Variants in PCDHB14 observed in about 807,000 individuals in gnomAD.
The protein encoded by PCDHB14 is protocadherin beta 14, also known as protocadherin beta-14.
For synonymous variants in PCDHB14, 511 were observed against 441.5 expected (o/e 1.16, Z -1.97); for missense variants, 1,129 against 1,000.5 (o/e 1.13, Z -1.73).
chr5:141,224,679 T>C lies in PCDHB14; in HGVS notation c.1174T>C (p.Phe392Leu). 6.2e-7 allele frequency: 1 copy of C among 1,614,210 alleles called. No individual in the cohort carries two copies. Among genetic ancestry groups the C allele is most frequent in the African/African-American group, 1.3e-5 (1 of 75,050 alleles). Residue 392 changes from phenylalanine (F) to leucine (L), a missense_variant, in exon 1 of 1, where the codon TTC (phenylalanine) becomes CTC (leucine). Transcript: ENST00000239449. ...CTCTATTCAAGATAACCTCCCTTTT[T>C]TCCTGAAACCGACCTTCAAGAACTT... ...ICSIQDNLPF[F>L]LKPTFKNFFT...
At position 141,225,313 on chromosome 5, in the gene PCDHB14, C is replaced by G. The variant is rs782751653; in HGVS notation, c.1808C>G (p.Ser603Trp). Residue 603 changes from serine (S) to tryptophan (W), a missense_variant, in exon 1 of 1, where the codon TCG becomes TGG. Coordinates refer to ENST00000239449, the MANE Select transcript of PCDHB14 (RefSeq NM_018934.4). ...DGDSGQNAWL[S>W]YQLLKATEPG... ...GACTCGGGCCAGAACGCCTGGCTGTCGTACCAGCTGCTCAAGGCCACGGAG... is the reference window on the plus strand; with the variant it reads ...GACTCGGGCCAGAACGCCTGGCTGTGGTACCAGCTGCTCAAGGCCACGGAG... The G allele has an allele frequency of 1.2e-6, 2 of 1,600,202 alleles. No homozygotes were observed. Among genetic ancestry groups the G allele is most frequent in the East Asian group, 4.5e-5 (2 of 44,814 alleles).
At position 141,223,793 on chromosome 5, in the gene PCDHB14, T is replaced by C; in HGVS notation, c.288T>C (p.Cys96=). 6.2e-7 allele frequency: 1 copy of C among 1,614,112 alleles called. No individual in the cohort carries two copies. Among genetic ancestry groups the C allele is most frequent in the Non-Finnish European group, 8.5e-7 (1 of 1,180,010 alleles). The change falls in exon 1 of 1, where the codon TGT becomes TGC. Residue 96 remains cysteine (C), a synonymous_variant. Transcript: ENST00000239449. ...LNEKLDRDEL[C]GSTEPCVLHF... ...AGAAACTAGACCGAGACGAGCTGTGTGGCTCCACCGAGCCCTGTGTGCTGC... is the reference window on the plus strand; with the variant it reads ...AGAAACTAGACCGAGACGAGCTGTGCGGCTCCACCGAGCCCTGTGTGCTGC...
rs781995955 is a variant in PCDHB14, at chr5:141,225,762, G to A, written c.2257G>A (p.Val753Met). 1.1e-5 allele frequency: 17 copies of A among 1,614,224 alleles called. No individual in the cohort carries two copies. Among genetic ancestry groups the A allele is most frequent in the Non-Finnish European group, 1.4e-5 (17 of 1,180,046 alleles). Reference protein sequence around the residue: ...GTLSQSYQYEVCLTGGSGTNE... With the variant: ...GTLSQSYQYEMCLTGGSGTNE... ...CCTGTCCCAGAGCTACCAATACGAG[G>A]TGTGTCTGACAGGAGGTTCCGGGAC... The change falls in exon 1 of 1, where the codon GTG becomes ATG. Residue 753 changes from valine to methionine, a missense_variant. Val to Met is a conservative substitution (Grantham distance 21, BLOSUM62 1). Transcript: ENST00000239449.
chr5:141,224,968 A>C lies in PCDHB14; in HGVS notation c.1463A>C (p.Tyr488Ser), dbSNP rs1554289291. 1 of 1,612,500 alleles carries C rather than the reference A, an allele frequency of 6.2e-7. No individual in the cohort carries two copies. Among genetic ancestry groups the C allele is most frequent in the Non-Finnish European group, 8.5e-7 (1 of 1,180,032 alleles). ...RDSGTNAQVN[Y>S]SLLPPQDRHL... Reference sequence around the variant, plus strand: ...TCAGGCACCAACGCCCAGGTCAACTACTCGCTGCTGCCGCCCCAGGACCGG... The same window carrying C: ...TCAGGCACCAACGCCCAGGTCAACTCCTCGCTGCTGCCGCCCCAGGACCGG... The change falls in exon 1 of 1, where the codon TAC becomes TCC. Residue 488 changes from tyrosine (Y) to serine (S), a missense_variant. Tyr to Ser is a moderately radical substitution (Grantham distance 144). Transcript: ENST00000239449.
chr5:141,224,055 G>T lies in PCDHB14; in HGVS notation c.550G>T (p.Asp184Tyr). The T allele has an allele frequency of 6.2e-7, 1 of 1,613,686 alleles. No homozygotes were observed. Among genetic ancestry groups the T allele is most frequent in the African/African-American group, 1.3e-5 (1 of 74,984 alleles). ...PNSHFYIKIP[D>Y]SSDRKIYPEL... ...TTCTCACTTCTACATTAAAATTCCCGACAGTAGTGACAGAAAGATATACCC... is the reference window on the plus strand; with the variant it reads ...TTCTCACTTCTACATTAAAATTCCCTACAGTAGTGACAGAAAGATATACCC... The change falls in exon 1 of 1, where the codon GAC becomes TAC. Residue 184 changes from aspartate (D) to tyrosine (Y), a missense_variant. Transcript: ENST00000239449.
Position 141,224,876 on chromosome 5 carries a change from C to T in PCDHB14, c.1371C>T (p.Thr457=), listed in dbSNP as rs782208211. Residue 457 remains threonine (T), a synonymous_variant, in exon 1 of 1, where the codon ACC becomes ACT. Coordinates refer to ENST00000239449, the MANE Select transcript of PCDHB14 (RefSeq NM_018934.4). ...CCACCTTCACCCAAACCTCCTACAC[C>T]CTGTTCGTCCGCGAGAACAACAGCC... ...NAPTFTQTSY[T]LFVRENNSPA... is the part of the protein sequence containing the mutation. The T allele has an allele frequency of 7.4e-6, 12 of 1,613,402 alleles. No individual in the cohort carries two copies. The highest frequency in any genetic ancestry group is 4.0e-5 in the African/African-American group (3 of 74,916).
In PCDHB14 at chr5:141,224,611, G is replaced by A. The variant is rs1401226925; in HGVS notation, c.1106G>A (p.Ser369Asn). 6.2e-7 allele frequency: 1 copy of A among 1,613,808 alleles called. No homozygotes were observed. Among genetic ancestry groups the A allele is most frequent in the Non-Finnish European group, 8.5e-7 (1 of 1,179,970 alleles). Residue 369 changes from serine to asparagine, a missense_variant, in exon 1 of 1, where the codon AGT (serine) becomes AAT (asparagine). Ser to Asn is a conservative substitution (Grantham distance 46). Transcript: ENST00000239449. ...TCAGAGACCCTAGTAGCTCTTTTTA[G>A]TATCCTAGACCAAGACTCTGGAGAC... Reference protein sequence around the residue: ...NASETLVALFSILDQDSGDNG... With the variant: ...NASETLVALFNILDQDSGDNG...
chr5:141,223,355 A>G lies in PCDHB14; in HGVS notation c.-151A>G. The G allele has an allele frequency of 3.2e-6, 2 of 616,510 alleles. No individual in the cohort carries two copies. Among genetic ancestry groups the G allele is most frequent in the Non-Finnish European group, 2.8e-6 (1 of 350,998 alleles). 38.2% of individuals were successfully genotyped at this position (616,510 alleles called of 1,614,324 possible). A position where few individuals can be genotyped will look rare whatever the true frequency, so the allele number is the denominator to read the frequency against. Reference sequence around the variant, plus strand: ...TATTCAGGAGAACAGAAAGCATCCAACCCACTGAAAAGACAGGCATTAAAG... The same window carrying G: ...TATTCAGGAGAACAGAAAGCATCCAGCCCACTGAAAAGACAGGCATTAAAG... On this transcript the variant is annotated 5_prime_UTR_variant, in exon 1 of 1. Coordinates refer to ENST00000239449, the MANE Select transcript of PCDHB14 (RefSeq NM_018934.4).
At position 141,226,724 on chromosome 5, in the gene PCDHB14, G is replaced by T. The variant is rs1204933534; in HGVS notation, c.*822G>T. 6.6e-6 allele frequency: 1 copy of T among 152,076 alleles called. No individual in the cohort carries two copies. Among genetic ancestry groups the T allele is most frequent in the Non-Finnish European group, 1.5e-5 (1 of 68,048 alleles). The allele number at this position is 152,076 out of a possible 1,614,324, so 9.4% of individuals were successfully genotyped here. On this transcript the variant is annotated 3_prime_UTR_variant, in exon 1 of 1. Coordinates refer to ENST00000239449, the MANE Select transcript of PCDHB14 (RefSeq NM_018934.4). ...CTGGATCACCAGCACAGGCCACTAC[G>T]GCCTGGCTAATTCTTTTGTATTTTT...
chr5:141,224,370 C>A lies in PCDHB14; in HGVS notation c.865C>A (p.Arg289Ser), dbSNP rs782632036. The change falls in exon 1 of 1, where the codon CGT becomes AGT. Residue 289 changes from arginine to serine, a missense_variant. Arg to Ser is a moderately radical substitution (Grantham distance 110, BLOSUM62 -1). Coordinates refer to ENST00000239449, the MANE Select transcript of PCDHB14 (RefSeq NM_018934.4). ...ATTTTTCCATGCATCAGAAGATATT[C>A]GTAAAACATTTGAAATTAATCCAAT... ...YTFFHASEDI[R>S]KTFEINPISG... 1.9e-6 allele frequency: 3 copies of A among 1,607,340 alleles called. No individual in the cohort carries two copies. Among genetic ancestry groups the A allele is most frequent in the Non-Finnish European group, 2.5e-6 (3 of 1,177,878 alleles).
chr5:141,226,092 G>T lies in PCDHB14; in HGVS notation c.*190G>T. 4.8e-6 allele frequency: 3 copies of T among 621,316 alleles called. No homozygotes were observed. The highest frequency in any genetic ancestry group is 2.6e-5 in the South Asian group (1 of 38,320). The allele number at this position is 621,316 out of a possible 1,614,324, so 38.5% of individuals were successfully genotyped here. On this transcript the variant is annotated 3_prime_UTR_variant, in exon 1 of 1. Transcript: ENST00000239449. ...CGTGGAAATGTAATCTGTGTTTTCT[G>T]GTTTTTCATTTATTTGGCCAAAATG...
chr5:141,227,202 T>C lies in PCDHB14; in HGVS notation c.*1300T>C, dbSNP rs1272869702. The C allele has an allele frequency of 6.6e-6, 1 of 152,220 alleles. No individual in the cohort carries two copies. The highest frequency in any genetic ancestry group is 2.4e-5 in the African/African-American group (1 of 41,452). 9.4% of individuals were successfully genotyped at this position (152,220 alleles called of 1,614,324 possible). On this transcript the variant is annotated 3_prime_UTR_variant, in exon 1 of 1. Transcript: ENST00000239449. ...TGTTTATTACTAAAGCAGAAAATAA[T>C]TTAGGGTCTTATCCTGGGTAAAATA... is the stretch of plus-strand genomic sequence containing the variant.
In PCDHB14 at chr5:141,223,466, T is replaced by C. The variant is rs113683319; in HGVS notation, c.-40T>C. ...GAGCTTCAGCTTCCAAAATTACGGC[T>C]GAGCTTCAGTTTTTCCACAAGAGAT... On this transcript the variant is annotated 5_prime_UTR_variant, in exon 1 of 1. Coordinates refer to ENST00000239449, the MANE Select transcript of PCDHB14 (RefSeq NM_018934.4). 8.3e-4 allele frequency: 1,227 copies of C among 1,479,132 alleles called. 15 individuals carry two copies. In the African/African-American group the frequency reaches 0.016, roughly 19 times the overall value. The allele number at this position is 1,479,132 out of a possible 1,614,324, so 91.6% of individuals were successfully genotyped here.
rs1754837333 is a variant in PCDHB14 at position 141,225,548 on chromosome 5, C to G, written c.2043C>G (p.Ala681=). 6.2e-7 allele frequency: 1 copy of G among 1,610,392 alleles called. No homozygotes were observed. Among genetic ancestry groups the G allele is most frequent in the Admixed American group, 1.7e-5 (1 of 60,002 alleles). Residue 681 remains alanine (A), a synonymous_variant, in exon 1 of 1, where the codon GCC becomes GCG. Coordinates refer to ENST00000239449, the MANE Select transcript of PCDHB14 (RefSeq NM_018934.4). ...LPLPEAAPAQ[A]QADSLTVYLV... is the part of the protein sequence containing the mutation. ...TCCCTGAGGCGGCCCCGGCCCAGGC[C>G]CAGGCCGACTCCCTCACCGTCTACC...
Position 141,224,496 on chromosome 5 carries a change from T to C in PCDHB14, c.991T>C (p.Cys331Arg). 1.9e-6 allele frequency: 3 copies of C among 1,613,550 alleles called. No homozygotes were observed. Among genetic ancestry groups the C allele is most frequent in the Non-Finnish European group, 1.7e-6 (2 of 1,179,850 alleles). Residue 331 changes from cysteine (C) to arginine (R), a missense_variant, in exon 1 of 1, where the codon TGC (cysteine) becomes CGC (arginine). Physicochemically the swap from Cys to Arg is radical, Grantham distance 180. Coordinates refer to ENST00000239449, the MANE Select transcript of PCDHB14 (RefSeq NM_018934.4). ...AGATGGTGGGGGTCTTTCAGGAAAA[T>C]GCACCCTTCTAGTTAAAGTTATGGA... ...ATDGGGLSGK[C>R]TLLVKVMDIN...
chr5:141,223,899 A>C lies in PCDHB14; in HGVS notation c.394A>C (p.Thr132Pro). 6.2e-7 allele frequency: 1 copy of C among 1,613,810 alleles called. No individual in the cohort carries two copies. Among genetic ancestry groups the C allele is most frequent in the Non-Finnish European group, 8.5e-7 (1 of 1,179,884 alleles). ...CAAAGACATAAATGATCACTCCCCT[A>C]CATTTCTAGACAAGGAAATACTTAT... ...CVKDINDHSP[T>P]FLDKEILIKI... The change falls in exon 1 of 1, where the codon ACA (threonine) becomes CCA (proline). Residue 132 changes from threonine to proline, a missense_variant. Thr to Pro is a conservative substitution (Grantham distance 38, BLOSUM62 -1). Transcript: ENST00000239449.
rs561538796 is a variant in PCDHB14 at position 141,223,646 on chromosome 5, T to C, written c.141T>C (p.Asn47=). ...EETEIGSFVA[N]LARDLGLGVE... ...CAGAAATTGGCTCTTTTGTGGCTAA[T>C]CTAGCGAGGGACCTAGGGCTGGGGG... The change falls in exon 1 of 1, where the codon AAT becomes AAC. Residue 47 remains asparagine (N), a synonymous_variant. Coordinates refer to ENST00000239449, the MANE Select transcript of PCDHB14 (RefSeq NM_018934.4). 1 of 1,614,210 alleles carries C rather than the reference T, an allele frequency of 6.2e-7. No individual in the cohort carries two copies. Among genetic ancestry groups the C allele is most frequent in the Non-Finnish European group, 8.5e-7 (1 of 1,180,044 alleles).
At position 141,225,854 on chromosome 5, in the gene PCDHB14, G is replaced by A; in HGVS notation, c.2349G>A (p.Met783Ile). 2 of 1,614,094 alleles carry A rather than the reference G, an allele frequency of 1.2e-6. No homozygotes were observed. Among genetic ancestry groups the A allele is most frequent in the Non-Finnish European group, 1.7e-6 (2 of 1,179,990 alleles). Reference protein sequence around the residue: ...NFQVHDTGRNMGEIENFRNSF... With the variant: ...NFQVHDTGRNIGEIENFRNSF... ...AAGTTCATGACACTGGTAGGAATAT[G>A]GGGGAAATCGAGAACTTTCGAAATA... The change falls in exon 1 of 1, where the codon ATG becomes ATA. Residue 783 changes from methionine (M) to isoleucine (I), a missense_variant. Transcript: ENST00000239449.
chr5:141,227,540 AT>A lies in PCDHB14; in HGVS notation c.*1640del, dbSNP rs1754884900. ...GGCTGGTGTACATATACATTTTGAA[AT>A]TGCTCTTACAAGATTAAATACTATT... On this transcript the variant is annotated 3_prime_UTR_variant, in exon 1 of 1. Coordinates refer to ENST00000239449, the MANE Select transcript of PCDHB14 (RefSeq NM_018934.4). The A allele has an allele frequency of 6.6e-6, 1 of 152,194 alleles. No individual in the cohort carries two copies. Among genetic ancestry groups the A allele is most frequent in the Non-Finnish European group, 1.5e-5 (1 of 68,012 alleles). 9.4% of individuals were successfully genotyped at this position (152,194 alleles called of 1,614,324 possible).
Sources: gnomAD v4.1 joint callset for allele counts on GRCh38, gnomAD v4.1.1 for gene constraint, MANE v1.5 for transcripts, NCBI Gene and HGNC (gene_info 2026-07-23, HGNC 2026-07-21) for gene names.